TMEM229B: variants seen among roughly 807,000 people sequenced by gnomAD.
The protein encoded by TMEM229B is transmembrane protein 229B, also known as chromosome 14 open reading frame 83.
Under a neutral mutation model 13.7 loss-of-function variants are expected in TMEM229B, and 6 were observed. The observed-to-expected ratio is 0.44, with a 90% CI of 0.24 to 0.86. TMEM229B has a LOEUF of 0.86. Among genes scored for constraint, TMEM229B ranks in the 40% least tolerant of loss-of-function variants. The pLI, the probability that TMEM229B is intolerant of heterozygous loss-of-function variation, is 0.23. For missense variants in TMEM229B, 170 were observed against 236.0 expected (o/e 0.72, Z 1.83); for synonymous variants, 107 against 102.1 (o/e 1.05, Z -0.29).
At chr14:67,479,674 C>T (rs1170341838) in intron 2 of TMEM229B, among the ~76,000 whole-genome samples, 3 of 151,728 alleles carry the variant, frequency 2.0e-5, no homozygotes, top group African/African-American at 4.9e-5. Context: ...GCCGAGATAG[C>T]GCCACTGCAC....
chr14:67,496,901 G>T (rs2032413036), intron 1 of TMEM229B, among the ~76,000 whole-genome samples: 1 of 151,960 alleles, frequency 6.6e-6, no homozygotes, highest in African/African-American at 2.4e-5. Context: ...GGGTTCAAGT[G>T]ATTTTCCTGC....
chr14:67,489,786 C>G (rs528762424), upstream of TMEM229B, among the ~76,000 whole-genome samples: 3 of 152,238 alleles, frequency 2.0e-5, no homozygotes, highest in East Asian at 3.9e-4. Flanking sequence ...GTCAGGAGAT[C>G]GAGACCATCC....
intron 1 of TMEM229B, among the ~76,000 whole-genome samples, chr14:67,487,498 T>C (rs935607822): frequency 6.6e-6 from 1 of 152,162 alleles, no homozygotes; most frequent in Non-Finnish European, 1.5e-5. Context: ...CAGCTTCAAA[T>C]TACATTCTCA....
chr14:67,519,369 G>A (rs983577507), upstream of TMEM229B, among the ~76,000 whole-genome samples: 11 of 152,370 alleles, frequency 7.2e-5, no homozygotes, highest in South Asian at 1.4e-3. Flanking sequence ...CCAGTTTTGG[G>A]AATCCAGGTA....
At chr14:67,507,383 A>G (rs945785192) in intron 1 of TMEM229B, among the ~76,000 whole-genome samples, 1 of 151,916 alleles carries the variant, frequency 6.6e-6, no homozygotes, top group Non-Finnish European at 1.5e-5. Context: ...AAAAACATCA[A>G]CCAGAGACCT....
rs2030677758 is a variant in TMEM229B at position 67,470,978 on chromosome 14, G to T, written c.*2442C>A. On this transcript the variant is annotated 3_prime_UTR_variant, in exon 3 of 3. Coordinates refer to ENST00000554480, the MANE Select transcript of TMEM229B (RefSeq NM_001348543.2). ...CCTGATACCCAAAAAAGCAAGAATT[G>T]AAGTCTGGGCTATCCCTGGTGAGAT... The T allele has an allele frequency of 6.6e-6, 1 of 152,210 alleles. No homozygotes were observed. Among genetic ancestry groups the T allele is most frequent in the African/African-American group, 2.4e-5 (1 of 41,454 alleles). The allele number at this position is 152,210 out of a possible 1,614,324, so 9.4% of individuals were successfully genotyped here.
upstream of TMEM229B, among the ~76,000 whole-genome samples, chr14:67,515,704 T>G (rs1314001041): frequency 6.6e-6 from 1 of 152,228 alleles, no homozygotes; most frequent in African/African-American, 2.4e-5. Flanking sequence ...TTTGAGTGTC[T>G]GTCAGGCCCG....
At chr14:67,530,899 G>T (rs144669512) in intron 1 of TMEM229B, among the ~76,000 whole-genome samples, 2 of 152,146 alleles carry the variant, frequency 1.3e-5, no homozygotes, top group Non-Finnish European at 2.9e-5. Flanking sequence ...AAAAGAAGAC[G>T]AATGGCCTCC....
At chr14:67,533,004 C>T (rs901292908) in intron 1 of TMEM229B, among the ~76,000 whole-genome samples, 3 of 152,182 alleles carry the variant, frequency 2.0e-5, no homozygotes, top group Admixed American at 6.5e-5. Flanking sequence ...CCGCCGCCCT[C>T]CCTGCCGCCC....
At chr14:67,503,704 T>A (rs564369958) in intron 1 of TMEM229B, among the ~76,000 whole-genome samples, 47 of 152,234 alleles carry the variant, frequency 3.1e-4, no homozygotes, top group Non-Finnish European at 6.0e-4. Flanking sequence ...TATTTTTATT[T>A]TTTATTTATT....
intron 1 of TMEM229B, among the ~76,000 whole-genome samples, chr14:67,504,614 C>T (rs984228576): frequency 5.9e-5 from 9 of 152,090 alleles, no homozygotes; most frequent in Non-Finnish European, 1.0e-4. Flanking sequence ...AGGCCATGTG[C>T]GGTGGCTCAC....
At chr14:67,515,460 G>A, upstream of TMEM229B, 1 of 168,862 alleles carries the variant, frequency 5.9e-6, no homozygotes, top group South Asian at 1.4e-4. Context: ...GTACGGATGC[G>A]CTGCAAACTG....
At chr14:67,502,120 G>T (rs2032632426) in intron 1 of TMEM229B, among the ~76,000 whole-genome samples, 2 of 152,092 alleles carry the variant, frequency 1.3e-5, no homozygotes, top group South Asian at 4.1e-4. Flanking sequence ...ATCACCTGAG[G>T]TCGGGAGTTT....
At chr14:67,485,577 G>C (rs1330518660) in intron 2 of TMEM229B, among the ~76,000 whole-genome samples, 2 of 152,226 alleles carry the variant, frequency 1.3e-5, no homozygotes, top group Admixed American at 1.3e-4. Flanking sequence ...CAAAAGCCCA[G>C]CTCTGCCTGC....
At position 67,528,342 on chromosome 14, in the gene TMEM229B, C is replaced by A. The variant is rs565463683; in HGVS notation, c.-192+5294G>T. 4.6e-5 allele frequency among the ~76,000 whole-genome samples: 7 copies of A among 152,280 alleles called. No homozygotes were observed. In the East Asian group the frequency reaches 1.4e-3, roughly 29 times the overall value. ...TCCCAGAAAAGTAAAGGGTCACTGG[C>A]AGCTCTCTGACAGGCCTGGGTTTCC... is the stretch of plus-strand genomic sequence containing the variant. On this transcript the variant is annotated intron_variant, in intron 1 of 2. Coordinates refer to the TMEM229B transcript ENST00000554278.
rs147435950 is a variant in TMEM229B at position 67,501,716 on chromosome 14, G to A, written c.-192+13370C>T. Among the ~76,000 whole-genome samples, 36 of 152,278 alleles carry A rather than the reference G, an allele frequency of 2.4e-4. No homozygotes were observed. In the East Asian group the frequency reaches 4.1e-3, roughly 17 times the overall value. On this transcript the variant is annotated intron_variant, in intron 1 of 2. Transcript: ENST00000357461. ...AAAGGCATCTCTGTTGAGGAAGGTCGTATAGCACCAAAGTCCCCTATCTAA... is the reference window on the plus strand; with the variant it reads ...AAAGGCATCTCTGTTGAGGAAGGTCATATAGCACCAAAGTCCCCTATCTAA...
upstream of TMEM229B, among the ~76,000 whole-genome samples, chr14:67,493,538 A>G (rs76170699): frequency 0.012 from 1,755 of 152,320 alleles, 48 homozygotes; most frequent in African/African-American, 0.041. Context: ...CCTTGCTGAG[A>G]AAACTTTTTC....
rs752517029 is a variant in TMEM229B at position 67,473,932 on chromosome 14, C to A, written c.-9G>T. The A allele has an allele frequency of 1.3e-6, 2 of 1,591,352 alleles. No homozygotes were observed. The highest frequency in any genetic ancestry group is 1.7e-5 in the Admixed American group (1 of 57,382). On this transcript the variant is annotated 5_prime_UTR_variant, in exon 3 of 3. Transcript: ENST00000554480. This position sits in a 1 kb window ranked among gnomAD's most constrained non-coding sequence, Gnocchi z 6.5. The stretch of plus-strand genomic sequence containing the variant: ...GGCTCGGCAGACGCCATGGCGCCGA[C>A]TGGGGCTGGCTGCGGGGGGCGCAAG...
intron 2 of TMEM229B, among the ~76,000 whole-genome samples, chr14:67,486,071 A>G (rs1024694186): frequency 6.6e-6 from 1 of 152,184 alleles, no homozygotes; most frequent in African/African-American, 2.4e-5. Flanking sequence ...GCCAAAGTAG[A>G]TGCTGTTTCC....
Sources: gnomAD v4.1 joint callset for allele counts (sites outside exome capture counted in the v4.1 genomes callset) on GRCh38, gnomAD v4.1.1 for gene constraint, Gnocchi (gnomAD v3.1) non-coding constraint, MANE v1.5 for transcripts, NCBI Gene and HGNC (gene_info 2026-07-23, HGNC 2026-07-21) for gene names.